The following TANC2 variants were observed in gnomAD, a reference collection of about 807,000 sequenced individuals.
TANC2 encodes tetratricopeptide repeat, ankyrin repeat and coiled-coil containing 2, also known as protein TANC2.
In TANC2, 26 loss-of-function variants were observed where a neutral mutation model predicts 210.5. The observed-to-expected ratio is 0.12, with a 90% CI of 0.09 to 0.17. TANC2 has a LOEUF of 0.17. TANC2 is among the 10% of genes least tolerant of loss of function. The pLI is 1.00. For synonymous variants in TANC2, 931 were observed against 967.1 expected (o/e 0.96, Z 0.69); for missense variants, 2,129 against 2,608.9 (o/e 0.82, Z 4.01).
At chr17:63,233,263 C>T (rs1241028744) in intron 7 of TANC2, among the ~76,000 whole-genome samples, 3 of 145,928 alleles carry the variant, frequency 2.1e-5, no homozygotes, top group East Asian at 3.9e-4. Context: ...AAGAGGCCGC[C>T]GTAGTCTTAG....
At chr17:63,264,644 G>A (rs1020251602) in intron 8 of TANC2, among the ~76,000 whole-genome samples, 13 of 152,132 alleles carry the variant, frequency 8.5e-5, no homozygotes, top group South Asian at 2.1e-4. Context: ...TCAACTTTTT[G>A]TGTTGAGAAA....
chr17:63,250,014 T>C (rs747122209), intron 8 of TANC2, among the ~76,000 whole-genome samples: 1 of 152,156 alleles, frequency 6.6e-6, no homozygotes, highest in Non-Finnish European at 1.5e-5. Flanking sequence ...TTATTTTAAC[T>C]TCAAAAATGC....
intron 8 of TANC2, among the ~76,000 whole-genome samples, chr17:63,263,847 G>A (rs1205153097): frequency 6.6e-6 from 1 of 152,200 alleles, no homozygotes; most frequent in Non-Finnish European, 1.5e-5. Context: ...CCCTGCTCGT[G>A]TAGAGCTATT....
chr17:63,304,395 C>T (rs1413900153), intron 9 of TANC2, among the ~76,000 whole-genome samples: 1 of 152,138 alleles, frequency 6.6e-6, no homozygotes, highest in Non-Finnish European at 1.5e-5. Flanking sequence ...ATCTGGTTCA[C>T]TCCTGTGCCT....
intron 9 of TANC2, among the ~76,000 whole-genome samples, chr17:63,271,332 T>C (rs2043697148): frequency 6.6e-6 from 1 of 152,178 alleles, no homozygotes; most frequent in African/African-American, 2.4e-5. Context: ...ACATCTGTTA[T>C]ATTTTGGCAT....
chr17:63,187,240 C>T (rs992724949), intron 5 of TANC2, among the ~76,000 whole-genome samples: 1 of 152,264 alleles, frequency 6.6e-6, no homozygotes, highest in South Asian at 2.1e-4. Context: ...AGGTCTAGAG[C>T]CAGATTGCCT....
intron 11 of TANC2, among the ~76,000 whole-genome samples, chr17:63,330,365 T>C (rs923902243): frequency 6.6e-6 from 1 of 152,244 alleles, no homozygotes; most frequent in African/African-American, 2.4e-5. Context: ...TGAAAGTGGC[T>C]ACACTTAAAC....
intron 4 of TANC2, among the ~76,000 whole-genome samples, chr17:63,141,605 C>G (rs957031615): frequency 4.0e-5 from 6 of 151,256 alleles, no homozygotes; most frequent in Non-Finnish European, 7.4e-5. Context: ...CGTTACATAG[C>G]TTTTTTTGAA....
intron 5 of TANC2, among the ~76,000 whole-genome samples, chr17:63,159,388 A>G (rs193115538): frequency 6.6e-6 from 1 of 152,344 alleles, no homozygotes; most frequent in East Asian, 1.9e-4. Context: ...GCTCTTATTT[A>G]AAAAGTTATC....
At chr17:63,308,541 A>G (rs1191561265) in intron 9 of TANC2, among the ~76,000 whole-genome samples, 1 of 152,230 alleles carries the variant, frequency 6.6e-6, no homozygotes, top group Admixed American at 6.5e-5. Flanking sequence ...CTGTCCTGGC[A>G]GAAATAGCCA....
intron 7 of TANC2, among the ~76,000 whole-genome samples, chr17:63,208,897 G>A (rs1400426985): frequency 6.6e-6 from 1 of 151,904 alleles, no homozygotes; most frequent in Non-Finnish European, 1.5e-5. Context: ...TAGTTTTTTT[G>A]TGGTTTTCTA....
chr17:63,393,889 C>T (rs1599021260), intron 17 of TANC2, among the ~76,000 whole-genome samples: 1 of 151,692 alleles, frequency 6.6e-6, no homozygotes, highest in Non-Finnish European at 1.5e-5. Flanking sequence ...TCCTGCCTCA[C>T]CCTCCGGAGT....
At position 63,258,876 on chromosome 17, in the gene TANC2, C is replaced by T. The variant is rs548127801; in HGVS notation, c.1034-8872C>T. On this transcript the variant is annotated intron_variant, in intron 8 of 27. Coordinates refer to ENST00000689528, the Ensembl canonical transcript of TANC2. ...TCTATAATACAAAGCCCCCTTCACT[C>T]CTGCCTCTCTTTTCCTCAAGCAGGA... 2.0e-5 allele frequency among the ~76,000 whole-genome samples: 3 copies of T among 152,278 alleles called. No individual in the cohort carries two copies. The East Asian group carries it at 5.8e-4, about 29-fold the overall frequency.
At chr17:63,318,334 G>GCTTA (rs1465067949) in intron 10 of TANC2, among the ~76,000 whole-genome samples, 1 of 152,084 alleles carries the variant, frequency 6.6e-6, no homozygotes, top group Non-Finnish European at 1.5e-5. Flanking sequence ...GTTTTATTGA[G>GCTTA]CTGTAACTCA....
At chr17:63,225,829 G>A (rs370650150) in intron 7 of TANC2, among the ~76,000 whole-genome samples, 1 of 152,080 alleles carries the variant, frequency 6.6e-6, no homozygotes, top group Non-Finnish European at 1.5e-5. Flanking sequence ...CTCTGACACA[G>A]GAGATCATGA....
rs76944043 is a variant in TANC2 at position 63,214,282 on chromosome 17, C to T, written c.769+13325C>T. ...GGTAAGGTATTGATTGACTTGTGCC[C>T]AGGATCAACACAAATGACTCGGAGC... On this transcript the variant is annotated intron_variant, in intron 7 of 27. Coordinates refer to ENST00000689528, the Ensembl canonical transcript of TANC2. 9.4e-3 allele frequency among the ~76,000 whole-genome samples: 1,438 copies of T among 152,272 alleles called. 32 individuals are homozygous for T. Among genetic ancestry groups the T allele is most frequent in the African/African-American group, 0.031 (1,276 of 41,548 alleles).
At chr17:62,978,810 T>G (rs1459834081) in intron 1 of TANC2, 4 of 152,226 alleles carry the variant, frequency 2.6e-5, no homozygotes, top group Admixed American at 2.6e-4. Flanking sequence ...TCAGGACTGG[T>G]CTTCTGTGAT....
intron 9 of TANC2, among the ~76,000 whole-genome samples, chr17:63,300,273 T>C (rs1294473664): frequency 6.6e-6 from 1 of 152,206 alleles, no homozygotes; most frequent in African/African-American, 2.4e-5. Context: ...CAGGCTCTTT[T>C]TCAGTTCCAT....
chr17:63,396,069 T>G, intron 18 of TANC2, 141 bp downstream of exon 18: 1 of 783,548 alleles, frequency 1.3e-6, no homozygotes, highest in South Asian at 1.9e-5. Flanking sequence ...ATAAGGAGAT[T>G]AAACTCCATG....
Sources: gnomAD v4.1 joint callset for allele counts (sites outside exome capture counted in the v4.1 genomes callset) on GRCh38, gnomAD v4.1.1 for gene constraint, MANE v1.5 for transcripts, NCBI Gene and HGNC (gene_info 2026-07-23, HGNC 2026-07-21) for gene names.